RALGPS1: variants seen among roughly 807,000 people sequenced by gnomAD.
RALGPS1 encodes Ral GEF with PH domain and SH3 binding motif 1, also known as ras-specific guanine nucleotide-releasing factor RalGPS1.
RALGPS1 carries 19 observed loss-of-function variants against 78.8 expected under a neutral mutation model. The ratio of observed to expected loss-of-function variants is 0.24; its 90% CI spans 0.17 to 0.35. RALGPS1 has a LOEUF of 0.35. RALGPS1 is among the 10% of genes least tolerant of loss of function. The pLI, the probability that RALGPS1 is intolerant of heterozygous loss-of-function variation, is 1.00. For missense variants in RALGPS1, 454 were observed against 688.3 expected (o/e 0.66, Z 3.81); for synonymous variants, 228 against 256.3 (o/e 0.89, Z 1.06).
intron 8 of RALGPS1, among the ~76,000 whole-genome samples, chr9:127,078,727 T>G (rs1245379532): frequency 2.0e-5 from 3 of 152,206 alleles, no homozygotes; most frequent in Non-Finnish European, 4.4e-5. Flanking sequence ...CAAAACGAGG[T>G]ATGAGCATAA....
chr9:127,063,294 A>G (rs930817833), intron 7 of RALGPS1, among the ~76,000 whole-genome samples: 30 of 152,136 alleles, frequency 2.0e-4, no homozygotes, highest in African/African-American at 7.0e-4. Context: ...TCCAAAAGCC[A>G]CCCACTTCTT....
chr9:127,131,417 C>G (rs776635006), intron 8 of RALGPS1, among the ~76,000 whole-genome samples: 10 of 152,186 alleles, frequency 6.6e-5, no homozygotes, highest in African/African-American at 2.4e-4. Flanking sequence ...AGCCAACAGC[C>G]GCCATCTGTT....
chr9:126,940,342 A>G (rs1030094619), intron 1 of RALGPS1, among the ~76,000 whole-genome samples: 4 of 152,160 alleles, frequency 2.6e-5, no homozygotes, highest in Non-Finnish European at 4.4e-5. Context: ...AAATTCTGCT[A>G]CGATCCTGCC....
intron 11 of RALGPS1, 30 bp from the exon 12 acceptor site, chr9:127,195,061 C>T (rs776196355): frequency 2.5e-5 from 40 of 1,610,952 alleles, no homozygotes; most frequent in Non-Finnish European, 3.2e-5. Flanking sequence ...ATCATAACCC[C>T]CGTTGTTGCT....
At chr9:127,031,442 G>C (rs2046425147) in intron 4 of RALGPS1, among the ~76,000 whole-genome samples, 1 of 152,210 alleles carries the variant, frequency 6.6e-6, no homozygotes, top group Non-Finnish European at 1.5e-5. Context: ...AATTTGGGAG[G>C]TCTTCACACT....
rs996669414 is a variant in RALGPS1, at chr9:127,018,957, G to T, written c.217-15474G>T. ...TTGTTGACCAAAATGTCGTTCTGCA[G>T]TACATGACTATATTGAGTTAAATAA... On this transcript the variant is annotated intron_variant, in intron 4 of 18. Transcript: ENST00000259351. 2.0e-5 allele frequency among the ~76,000 whole-genome samples: 3 copies of T among 152,166 alleles called. No individual in the cohort carries two copies. The East Asian group carries it at 5.8e-4, about 29-fold the overall frequency.
chr9:126,975,318 C>T (rs2040502160), intron 3 of RALGPS1, among the ~76,000 whole-genome samples: 1 of 152,126 alleles, frequency 6.6e-6, no homozygotes, highest in African/African-American at 2.4e-5. Flanking sequence ...AAACTTGGAC[C>T]ATCCAAAAAG....
intron 8 of RALGPS1, among the ~76,000 whole-genome samples, chr9:127,099,566 A>G (rs1467744808): frequency 6.6e-6 from 1 of 152,174 alleles, no homozygotes; most frequent in East Asian, 1.9e-4. Flanking sequence ...GGGCAGGAGA[A>G]CAGACACACA....
Position 127,018,290 on chromosome 9 carries a change from G to A in RALGPS1, c.217-16141G>A, listed in dbSNP as rs1319391231. Among the ~76,000 whole-genome samples the A allele has an allele frequency of 2.8e-5, 4 of 142,204 alleles. No individual in the cohort carries two copies. The East Asian group carries it at 8.0e-4, about 28-fold the overall frequency. 93.3% of individuals were successfully genotyped at this position (142,204 alleles called of 152,430 possible). A position where few individuals can be genotyped will look rare whatever the true frequency, so the allele number is the denominator to read the frequency against. ...CCTTCTTCCGGAAGGACCTGCCTGA[G>A]GCTATTTTATAGTTAACTTAAAAAA... On this transcript the variant is annotated intron_variant, in intron 4 of 18. Transcript: ENST00000259351.
intron 11 of RALGPS1, chr9:127,177,913 A>T: frequency 6.5e-7 from 1 of 1,549,016 alleles, no homozygotes; most frequent in Non-Finnish European, 8.7e-7. Flanking sequence ...GAGACCAGAA[A>T]CCAGCAAGCC....
intron 1 of RALGPS1, among the ~76,000 whole-genome samples, chr9:126,949,379 A>G (rs1482721153): frequency 3.3e-5 from 5 of 152,094 alleles, no homozygotes; most frequent in African/African-American, 7.2e-5. Flanking sequence ...ATCCCTGAGG[A>G]ATCGCCACAC....
chr9:127,066,795 T>C (rs2049747613), intron 7 of RALGPS1, among the ~76,000 whole-genome samples: 1 of 152,136 alleles, frequency 6.6e-6, no homozygotes, highest in African/African-American at 2.4e-5. Context: ...CACTTCCTTT[T>C]CCCATAATTC....
chr9:127,078,226 T>G (rs1410813550), intron 8 of RALGPS1, among the ~76,000 whole-genome samples: 1 of 152,234 alleles, frequency 6.6e-6, no homozygotes. Context: ...AGTGGTTAGC[T>G]ACATTTTGTT....
chr9:127,147,809 C>T (rs567746815), intron 8 of RALGPS1, among the ~76,000 whole-genome samples: 10 of 152,250 alleles, frequency 6.6e-5, no homozygotes, highest in Admixed American at 1.3e-4. Flanking sequence ...TGCTAATAGA[C>T]GTTAGTCACT....
intron 1 of RALGPS1, among the ~76,000 whole-genome samples, chr9:126,932,391 C>A (rs1374334634): frequency 6.6e-6 from 1 of 152,126 alleles, no homozygotes; most frequent in African/African-American, 2.4e-5. Context: ...TTGGTATCGA[C>A]CCAACTTTGA....
chr9:127,197,321 G>A (rs1016939183), intron 13 of RALGPS1, among the ~76,000 whole-genome samples: 57 of 152,284 alleles, frequency 3.7e-4, no homozygotes, highest in Middle Eastern at 3.4e-3. Context: ...TATTACTGCC[G>A]TCAGGCCAGT....
At chr9:127,089,795 T>C (rs891239843) in intron 8 of RALGPS1, among the ~76,000 whole-genome samples, 8 of 152,184 alleles carry the variant, frequency 5.3e-5, no homozygotes, top group African/African-American at 1.9e-4. Flanking sequence ...CAGTAAAAAC[T>C]GTGGGAAGGT....
At chr9:127,065,192 C>T (rs1004281385) in intron 7 of RALGPS1, among the ~76,000 whole-genome samples, 9 of 152,168 alleles carry the variant, frequency 5.9e-5, no homozygotes, top group Non-Finnish European at 1.2e-4. Flanking sequence ...TGGCTCACTG[C>T]AACCTTCGCA....
In RALGPS1 at chr9:127,107,703, A is replaced by G. The variant is rs1268937027; in HGVS notation, c.610+38347A>G. Among the ~76,000 whole-genome samples, 3 of 152,004 alleles carry G rather than the reference A, an allele frequency of 2.0e-5. 1 individual carries two copies. The highest frequency in any genetic ancestry group is 4.4e-5 in the Non-Finnish European group (3 of 67,984). On this transcript the variant is annotated intron_variant, in intron 8 of 18. Coordinates refer to ENST00000259351, the MANE Select transcript of RALGPS1 (RefSeq NM_014636.3). ...TTCTGAAACTCCATTTTTTGGTAATATCTTTGAGGATCCATCTAAGGAATG... is the reference window on the plus strand; with the variant it reads ...TTCTGAAACTCCATTTTTTGGTAATGTCTTTGAGGATCCATCTAAGGAATG...
Sources: allele counts gnomAD v4.1 joint callset (sites outside exome capture counted in the v4.1 genomes callset), GRCh38; gene constraint gnomAD v4.1.1; transcripts MANE v1.5; gene names NCBI Gene and HGNC (gene_info 2026-07-23, HGNC 2026-07-21).